IMMP2L: variants seen among roughly 807,000 people sequenced by gnomAD.
IMMP2L encodes mitochondrial inner membrane protease subunit 2.
Under a neutral mutation model 19.3 loss-of-function variants are expected in IMMP2L, and 18 were observed. The observed-to-expected ratio is 0.93, with a 90% CI of 0.64 to 1.38. The LOEUF is 1.38. IMMP2L is among the 40% of genes most tolerant of loss of function. The pLI, the probability that IMMP2L is intolerant of heterozygous loss-of-function variation, is 0.00. For missense variants in IMMP2L, 233 were observed against 218.2 expected (o/e 1.07, Z -0.43); for synonymous variants, 76 against 73.0 (o/e 1.04, Z -0.21).
chr7:110,739,368 A>G (rs1391287035), intron 5 of IMMP2L, among the ~76,000 whole-genome samples: 1 of 152,204 alleles, frequency 6.6e-6, no homozygotes, highest in Non-Finnish European at 1.5e-5. Context: ...AGGGGCGGAA[A>G]AAGACATTCC....
intron 5 of IMMP2L, among the ~76,000 whole-genome samples, chr7:110,815,113 A>C (rs1466242298): frequency 6.6e-6 from 1 of 152,104 alleles, no homozygotes; most frequent in Non-Finnish European, 1.5e-5. Context: ...TGTCATAGAT[A>C]GCTCCTATTA....
At chr7:111,325,422 T>TAA (rs1194351482) in intron 3 of IMMP2L, among the ~76,000 whole-genome samples, 6 of 151,704 alleles carry the variant, frequency 4.0e-5, no homozygotes, top group African/African-American at 1.2e-4. Context: ...ATATAATGTT[T>TAA]TAATTCCATT....
rs1324293490 is a variant in IMMP2L, at chr7:111,562,395, G to T, written c.-547C>A. The T allele has an allele frequency of 3.3e-5, 5 of 150,204 alleles. No individual in the cohort carries two copies. The highest frequency in any genetic ancestry group is 6.0e-5 in the Non-Finnish European group (4 of 67,138). The allele number at this position is 150,204 out of a possible 1,614,324, so 9.3% of individuals were successfully genotyped here. A position where few individuals can be genotyped will look rare whatever the true frequency, so the allele number is the denominator to read the frequency against. On this transcript the variant is annotated 5_prime_UTR_variant, in exon 1 of 6. Coordinates refer to ENST00000405709, the MANE Select transcript of IMMP2L (RefSeq NM_032549.4). The stretch of plus-strand genomic sequence containing the variant: ...GACCACCAAGGGTCGGCGGCTACGC[G>T]CCCGCCGACCCCTGCCAGCCTCACA...
At chr7:111,158,546 T>C (rs965810381) in intron 3 of IMMP2L, among the ~76,000 whole-genome samples, 3 of 152,188 alleles carry the variant, frequency 2.0e-5, no homozygotes, top group Admixed American at 2.0e-4. Context: ...AATTTAACTT[T>C]CATCCAAAAC....
intron 5 of IMMP2L, among the ~76,000 whole-genome samples, chr7:110,733,052 A>G (rs1796376922): frequency 6.6e-6 from 1 of 152,188 alleles, no homozygotes; most frequent in African/African-American, 2.4e-5. Context: ...ACGTGCTAAG[A>G]TTACAGGTGT....
chr7:110,746,498 A>T (rs1797354837), intron 5 of IMMP2L, among the ~76,000 whole-genome samples: 1 of 152,208 alleles, frequency 6.6e-6, no homozygotes, highest in African/African-American at 2.4e-5. Context: ...TTTACCGCAT[A>T]ATTGGAAGTA....
chr7:111,384,236 A>G (rs533861637), intron 3 of IMMP2L, among the ~76,000 whole-genome samples: 1 of 139,560 alleles, frequency 7.2e-6, no homozygotes, highest in Non-Finnish European at 1.5e-5. Flanking sequence ...GAAAGGAGAG[A>G]GGAGAAAGGA....
chr7:111,137,134 GGTTA>G (rs1802424341), intron 3 of IMMP2L, among the ~76,000 whole-genome samples: 1 of 151,990 alleles, frequency 6.6e-6, no homozygotes. Context: ...AAATATGGTG[GGTTA>G]GTTCACTTTC....
intron 3 of IMMP2L, among the ~76,000 whole-genome samples, chr7:111,016,597 A>ATAT: frequency 8.9e-6 from 1 of 112,286 alleles, no homozygotes; most frequent in Admixed American, 1.2e-4. Context: ...GTATATATGT[A>ATAT]CTATATATTA....
intron 3 of IMMP2L, among the ~76,000 whole-genome samples, chr7:111,442,356 G>C (rs1206594168): frequency 6.6e-6 from 1 of 151,634 alleles, no homozygotes; most frequent in Non-Finnish European, 1.5e-5. Flanking sequence ...ACTATTCCAG[G>C]TTATTTGCCA....
At chr7:110,883,570 T>G (rs895095190) in intron 5 of IMMP2L, among the ~76,000 whole-genome samples, 2 of 152,146 alleles carry the variant, frequency 1.3e-5, no homozygotes, top group African/African-American at 4.8e-5. Context: ...TCAGTTATGT[T>G]TCATATTCCC....
chr7:110,814,625 T>C (rs1467330164), intron 5 of IMMP2L, among the ~76,000 whole-genome samples: 1 of 149,992 alleles, frequency 6.7e-6, no homozygotes, highest in Non-Finnish European at 1.5e-5. Context: ...TCTTTTATTT[T>C]ACTTTAAGAG....
intron 2 of IMMP2L, among the ~76,000 whole-genome samples, chr7:111,520,838 T>C (rs1846262744): frequency 6.6e-6 from 1 of 152,170 alleles, no homozygotes; most frequent in Admixed American, 6.5e-5. Context: ...CACTTAATCT[T>C]TTCAATTAGC....
At chr7:110,832,580 C>T (rs1026931235) in intron 5 of IMMP2L, among the ~76,000 whole-genome samples, 1 of 152,084 alleles carries the variant, frequency 6.6e-6, no homozygotes, top group African/African-American at 2.4e-5. Flanking sequence ...GAACTCAGAA[C>T]GTTGTGAAGC....
chr7:111,290,695 G>C (rs1003308114), intron 3 of IMMP2L, among the ~76,000 whole-genome samples: 2 of 151,884 alleles, frequency 1.3e-5, no homozygotes, highest in Non-Finnish European at 2.9e-5. Context: ...CCTTTCTGAT[G>C]AATCTATTGC....
intron 1 of IMMP2L, among the ~76,000 whole-genome samples, chr7:111,537,871 C>A (rs972839793): frequency 6.6e-6 from 1 of 151,884 alleles, no homozygotes; most frequent in Non-Finnish European, 1.5e-5. Context: ...CAACCAAACC[C>A]ACCTCCATAC....
At chr7:111,036,248 T>C (rs1208255997) in intron 3 of IMMP2L, among the ~76,000 whole-genome samples, 1 of 152,124 alleles carries the variant, frequency 6.6e-6, no homozygotes, top group Non-Finnish European at 1.5e-5. Flanking sequence ...GAAACCTTCC[T>C]CTATAAACTG....
intron 3 of IMMP2L, among the ~76,000 whole-genome samples, chr7:111,436,359 A>G (rs979341743): frequency 2.0e-5 from 3 of 151,850 alleles, no homozygotes; most frequent in African/African-American, 7.3e-5. Flanking sequence ...AAGGAAATAC[A>G]CTACACTCTA....
At chr7:111,505,950 C>T (rs1458604122) in intron 2 of IMMP2L, among the ~76,000 whole-genome samples, 1 of 151,836 alleles carries the variant, frequency 6.6e-6, no homozygotes, top group Non-Finnish European at 1.5e-5. Flanking sequence ...TGCACATGTA[C>T]CCTAAAACTT....
Sources: gnomAD v4.1 joint callset for allele counts (sites outside exome capture counted in the v4.1 genomes callset) on GRCh38, gnomAD v4.1.1 for gene constraint, MANE v1.5 for transcripts, NCBI Gene and HGNC (gene_info 2026-07-23, HGNC 2026-07-21) for gene names.